PLEKHM1: variants seen among roughly 807,000 people sequenced by gnomAD.
PLEKHM1 encodes pleckstrin homology and RUN domain containing M1.
Under a neutral mutation model 94.3 loss-of-function variants are expected in PLEKHM1, and 28 were observed. The observed-to-expected ratio is 0.30, with a 90% CI of 0.22 to 0.41. The LOEUF (loss-of-function observed/expected upper bound fraction) is 0.41. Among genes scored for constraint, PLEKHM1 ranks in the 10% least tolerant of loss-of-function variants. The pLI, the probability that PLEKHM1 is intolerant of heterozygous loss-of-function variation, is 1.00. For synonymous variants in PLEKHM1, 424 were observed against 581.2 expected (o/e 0.73, Z 3.89); for missense variants, 907 against 1,358.6 (o/e 0.67, Z 5.22).
chr17:45,434,471 G>A (rs1461760572), downstream of PLEKHM1: 2 of 152,132 alleles, frequency 1.3e-5, no homozygotes, highest in Admixed American at 1.3e-4. Flanking sequence ...TTTTAAGACA[G>A]AGTCTCACTC....
chr17:45,437,754 A>C lies in PLEKHM1; in HGVS notation c.*104T>G, dbSNP rs2050312052. ...ATCTGAGGGTCTTCCTGACAAGGGG[A>C]CACAGCTGTGACACGGTGAGTATCC... On this transcript the variant is annotated 3_prime_UTR_variant, in exon 12 of 12. Transcript: ENST00000430334. This position sits in a 1 kb window ranked among gnomAD's most constrained non-coding sequence, Gnocchi z 4.0. The C allele has an allele frequency of 1.1e-6, 1 of 901,272 alleles. No individual in the cohort carries two copies. Among genetic ancestry groups the C allele is most frequent in the Non-Finnish European group, 1.8e-6 (1 of 541,632 alleles). The allele number at this position is 901,272 out of a possible 1,614,324, so 55.8% of individuals were successfully genotyped here.
chr17:45,490,580 C>T (rs1484892404), intron 1 of PLEKHM1, 72 bp downstream of exon 1: 11 of 412,744 alleles, frequency 2.7e-5, no homozygotes, highest in South Asian at 1.7e-4. Context: ...GAGCGGGAGG[C>T]CCACCGCCCG....
At chr17:45,489,999 G>A (rs1057211673) in intron 1 of PLEKHM1, among the ~76,000 whole-genome samples, 2 of 152,138 alleles carry the variant, frequency 1.3e-5, no homozygotes, top group South Asian at 2.1e-4. Flanking sequence ...GAGACGCAAA[G>A]GAAGGTATAC....
chr17:45,489,916 G>A (rs974563752), intron 1 of PLEKHM1, among the ~76,000 whole-genome samples: 11 of 152,122 alleles, frequency 7.2e-5, no homozygotes, highest in African/African-American at 2.4e-4. Context: ...GGTGAGGGTG[G>A]TAGGAAAGGA....
In PLEKHM1 at chr17:45,477,886, C is replaced by T; in HGVS notation, c.296+14G>A. On this transcript the variant is annotated intron_variant, in intron 3 of 11. Transcript: ENST00000430334. ...GCTCCTCCGCAAAGCAAAACCTCTC[C>T]AGCTAAATCTCACTTGTGGGTGACA... The T allele has an allele frequency of 2.5e-6, 4 of 1,613,556 alleles. No homozygotes were observed. Among genetic ancestry groups the T allele is most frequent in the African/African-American group, 2.7e-5 (2 of 75,046 alleles).
intron 8 of PLEKHM1, chr17:45,446,019 T>TC (rs55668920): frequency 0.13 from 50,617 of 394,738 alleles, 4,316 homozygotes; most frequent in Middle Eastern, 0.19. Context: ...AGCCCCTATT[T>TC]CCCCCCACTG....
At chr17:45,455,693 C>G (rs1451094996) in intron 6 of PLEKHM1, among the ~76,000 whole-genome samples, 1 of 152,154 alleles carries the variant, frequency 6.6e-6, no homozygotes, top group South Asian at 2.1e-4. Context: ...TCCACACATC[C>G]GGAATCCCCG....
In PLEKHM1 at chr17:45,437,906, G is replaced by C. The variant is rs1249221733; in HGVS notation, c.3123C>G (p.Pro1041=). The change falls in exon 12 of 12, where the codon CCC becomes CCG. Residue 1041 remains proline (P), a synonymous_variant. Transcript: ENST00000430334. The surrounding 1 kb of genome is among the most constrained non-coding windows in gnomAD (Gnocchi z 4.0). ...SCQAVVKKGC[P]RCARRRKYQE... ...GGTACTTGCGCCGGCGGGCACAGCG[G>C]GGGCAGCCCTTCTTCACCACAGCCT... 2 of 1,613,918 alleles carry C rather than the reference G, an allele frequency of 1.2e-6. No individual in the cohort carries two copies. Among genetic ancestry groups the C allele is most frequent in the East Asian group, 4.5e-5 (2 of 44,882 alleles).
rs948763107 is a variant in PLEKHM1 at position 45,437,504 on chromosome 17, A to T, written c.*354T>A. On this transcript the variant is annotated 3_prime_UTR_variant, in exon 12 of 12. Coordinates refer to ENST00000430334, the MANE Select transcript of PLEKHM1 (RefSeq NM_014798.3). The surrounding 1 kb of genome is among the most constrained non-coding windows in gnomAD (Gnocchi z 4.0). ...CTAGACCTTTTAATCAGGAATGTGG[A>T]ATTGAAAATGCTCCCCAAGTCCCCT... 6.7e-5 allele frequency: 36 copies of T among 538,326 alleles called. No homozygotes were observed. The highest frequency in any genetic ancestry group is 5.5e-4 in the African/African-American group (29 of 53,160). 33.3% of individuals were successfully genotyped at this position (538,326 alleles called of 1,614,324 possible).
chr17:45,454,168 A>T lies in PLEKHM1; in HGVS notation c.1684T>A (p.Phe562Ile), dbSNP rs148180715. 84 of 1,613,726 alleles carry T rather than the reference A, an allele frequency of 5.2e-5. No individual in the cohort carries two copies. The highest frequency in any genetic ancestry group is 6.5e-5 in the Non-Finnish European group (77 of 1,179,954). Residue 562 changes from phenylalanine to isoleucine, a missense_variant, in exon 7 of 12, where the codon TTC becomes ATC. Physicochemically the swap from Phe to Ile is conservative, Grantham distance 21. Around this residue, in one of 3 missense-constraint regions of PLEKHM1, gnomAD observed 477 missense variants for 601.5 expected, o/e 0.79. Transcript: ENST00000430334. ...TCCTCGTTGCTCAGGTAGAGGCGGA[A>T]CTCCAGCGGGGAGAGCTCGCAGAAG... ...ELFCELSPLE[F>I]RLYLSNEEHT...
chr17:45,438,099 C>A, intron 11 of PLEKHM1, 130 bp from the exon 12 acceptor site: 1 of 708,930 alleles, frequency 1.4e-6, no homozygotes. Flanking sequence ...GCACGCACAC[C>A]GTGCCTCTCC....
At chr17:45,451,853 C>A (rs2050782629) in intron 7 of PLEKHM1, among the ~76,000 whole-genome samples, 1 of 152,256 alleles carries the variant, frequency 6.6e-6, no homozygotes, top group Non-Finnish European at 1.5e-5. Context: ...CCCCTCAGAG[C>A]CTGGCCTTCA....
intron 11 of PLEKHM1, among the ~76,000 whole-genome samples, chr17:45,438,408 T>C (rs2050336850): frequency 6.6e-6 from 1 of 151,766 alleles, no homozygotes; most frequent in African/African-American, 2.4e-5. Flanking sequence ...GGTGTGTGCC[T>C]GTAGCCCCAG....
At chr17:45,455,172 A>G (rs1003094219) in intron 6 of PLEKHM1, among the ~76,000 whole-genome samples, 14 of 152,146 alleles carry the variant, frequency 9.2e-5, no homozygotes, top group African/African-American at 3.1e-4. Context: ...CCCTGCTCCC[A>G]TTCCTTCTCG....
chr17:45,478,220 A>G lies in PLEKHM1; in HGVS notation c.49-73T>C. 3 of 1,590,880 alleles carry G rather than the reference A, an allele frequency of 1.9e-6. No individual in the cohort carries two copies. In the Admixed American group the frequency reaches 5.0e-5, roughly 27 times the overall value. ...GAGAGTCCCTAGAGTGTAATCCTTTAGCTGGTGCCAAATACGTGTGCAACC... is the reference window on the plus strand; with the variant it reads ...GAGAGTCCCTAGAGTGTAATCCTTTGGCTGGTGCCAAATACGTGTGCAACC... On this transcript the variant is annotated intron_variant, in intron 2 of 11. Coordinates refer to ENST00000430334, the MANE Select transcript of PLEKHM1 (RefSeq NM_014798.3).
intron 4 of PLEKHM1, among the ~76,000 whole-genome samples, chr17:45,470,657 G>A (rs2051475218): frequency 6.7e-6 from 1 of 149,412 alleles, no homozygotes; most frequent in African/African-American, 2.4e-5. Flanking sequence ...ACGTTTGTGT[G>A]GTTTTTTTTT....
chr17:45,437,957 G>A lies in PLEKHM1; in HGVS notation c.3072C>T (p.Cys1024=). The A allele has an allele frequency of 6.2e-7, 1 of 1,613,260 alleles. No homozygotes were observed. Among genetic ancestry groups the A allele is most frequent in the South Asian group, 1.1e-5 (1 of 91,088 alleles). Residue 1024 remains cysteine (C), a synonymous_variant, in exon 12 of 12, where the codon TGC becomes TGT. Coordinates refer to ENST00000430334, the MANE Select transcript of PLEKHM1 (RefSeq NM_014798.3). The surrounding 1 kb of genome is among the most constrained non-coding windows in gnomAD (Gnocchi z 4.0). The stretch of plus-strand genomic sequence containing the variant: ...GGCAGCTCTGGTGGAAGACGGTCTT[G>A]CACTCGGCACACCTGGGGAGAGAGC... ...EFDTTVRCAE[C]KTVFHQSCQA...
At chr17:45,442,350 C>A (rs983763344) in intron 9 of PLEKHM1, among the ~76,000 whole-genome samples, 7 of 152,170 alleles carry the variant, frequency 4.6e-5, no homozygotes, top group African/African-American at 9.7e-5. Context: ...AGCTGCCACC[C>A]AGGGCTCTCC....
intron 9 of PLEKHM1, among the ~76,000 whole-genome samples, chr17:45,443,987 GGCAGC>G (rs1176743890): frequency 3.3e-5 from 5 of 152,106 alleles, no homozygotes; most frequent in Non-Finnish European, 7.4e-5. Context: ...AGGCTCAGCT[GGCAGC>G]TGTGGGGCCA....
Sources: allele counts gnomAD v4.1 joint callset (sites outside exome capture counted in the v4.1 genomes callset), GRCh38; gene constraint gnomAD v4.1.1; regional missense constraint gnomAD v4.1.1; non-coding constraint Gnocchi (gnomAD v3.1); transcripts MANE v1.5; gene names NCBI Gene and HGNC (gene_info 2026-07-23, HGNC 2026-07-21).